Variants in RSRC1 observed in about 807,000 individuals in gnomAD.
The protein encoded by RSRC1 is arginine and serine rich coiled-coil 1, also known as serine/Arginine-related protein 53.
RSRC1 carries 39 observed loss-of-function variants against 49.1 expected under a neutral mutation model. The ratio of observed to expected loss-of-function variants is 0.79; its 90% CI spans 0.61 to 1.04. The LOEUF is 1.04. Among genes scored for constraint, RSRC1 ranks in the 50% least tolerant of loss-of-function variants. The probability of loss-of-function intolerance (pLI) is 0.00; values close to 1 mark genes in which losing one functional copy is unlikely to be tolerated. For synonymous variants in RSRC1, 143 were observed against 130.8 expected, an observed-to-expected ratio of 1.09 and a Z score of -0.63; for missense variants, 388 against 402.4, an observed-to-expected ratio of 0.96 and a Z score of 0.31.
chr3:158,441,090 T>C (rs979787743), intron 6 of RSRC1, among the ~76,000 whole-genome samples: 2 of 152,148 alleles, frequency 1.3e-5, no homozygotes, highest in East Asian at 3.9e-4. Context: ...AATAATGTTA[T>C]TAAATGGCCC....
intron 4 of RSRC1, among the ~76,000 whole-genome samples, chr3:158,207,238 T>C (rs537202981): frequency 6.6e-6 from 1 of 152,262 alleles, no homozygotes; most frequent in East Asian, 1.9e-4. Context: ...TCCTAGAAAA[T>C]AGAACTGAAA....
At chr3:158,222,505 C>T (rs1722279391) in intron 4 of RSRC1, among the ~76,000 whole-genome samples, 1 of 151,396 alleles carries the variant, frequency 6.6e-6, no homozygotes, top group East Asian at 1.9e-4. Context: ...TGTTTGTACA[C>T]TATAAATATA....
At chr3:158,505,291 G>A (rs777873651) in intron 7 of RSRC1, among the ~76,000 whole-genome samples, 1 of 152,104 alleles carries the variant, frequency 6.6e-6, no homozygotes, top group Non-Finnish European at 1.5e-5. Context: ...CACCTAGTTG[G>A]AAGCACCTGT....
At chr3:158,145,868 C>T (rs1000314811) in intron 3 of RSRC1, among the ~76,000 whole-genome samples, 3 of 152,068 alleles carry the variant, frequency 2.0e-5, no homozygotes, top group Non-Finnish European at 4.4e-5. Context: ...AGTTGGATTC[C>T]TAGGTATTTT....
In RSRC1 at chr3:158,288,272, A is replaced by G. The variant is rs189782031; in HGVS notation, c.495-9767A>G. Among the ~76,000 whole-genome samples the G allele has an allele frequency of 2.0e-4, 31 of 152,204 alleles. 1 individual carries two copies. In the East Asian group the frequency reaches 6.0e-3, roughly 29 times the overall value. On this transcript the variant is annotated intron_variant, in intron 4 of 9. Coordinates refer to ENST00000611884, the MANE Select transcript of RSRC1 (RefSeq NM_001271838.2). ...ACAATGAATCCTTCAGGATCTAGCT[A>G]TACCCTTCTCTTTGAAATCTTTTCC...
intron 6 of RSRC1, among the ~76,000 whole-genome samples, chr3:158,378,607 C>T (rs1732513194): frequency 6.6e-6 from 1 of 152,208 alleles, no homozygotes; most frequent in African/African-American, 2.4e-5. Flanking sequence ...CATCTTCAAA[C>T]TGCAAGTATG....
chr3:158,441,969 T>G (rs559727750), intron 6 of RSRC1, among the ~76,000 whole-genome samples: 4 of 152,258 alleles, frequency 2.6e-5, no homozygotes, highest in African/African-American at 9.6e-5. Flanking sequence ...ACAAATTTTT[T>G]GATTTCCCTA....
At chr3:158,339,621 T>C (rs575661102) in intron 5 of RSRC1, among the ~76,000 whole-genome samples, 24 of 152,334 alleles carry the variant, frequency 1.6e-4, no homozygotes, top group Non-Finnish European at 1.2e-4. Flanking sequence ...GTGAAATTGA[T>C]AATTCAAAAG....
At chr3:158,272,713 T>G (rs1040082392) in intron 4 of RSRC1, among the ~76,000 whole-genome samples, 1 of 152,076 alleles carries the variant, frequency 6.6e-6, no homozygotes, top group Non-Finnish European at 1.5e-5. Context: ...TAGTAAAAAC[T>G]GAAACTTTTG....
At chr3:158,283,181 G>A (rs1403745451) in intron 4 of RSRC1, among the ~76,000 whole-genome samples, 1 of 152,090 alleles carries the variant, frequency 6.6e-6, no homozygotes, top group Non-Finnish European at 1.5e-5. Flanking sequence ...GTGAACACTA[G>A]AGGTAAAATC....
At chr3:158,143,419 T>C (rs897494424) in intron 3 of RSRC1, among the ~76,000 whole-genome samples, 12 of 152,296 alleles carry the variant, frequency 7.9e-5, no homozygotes, top group African/African-American at 2.9e-4. Context: ...GATAGCATGA[T>C]GTGGTTCTTT....
At chr3:158,504,624 C>G (rs1739767950) in intron 7 of RSRC1, among the ~76,000 whole-genome samples, 1 of 152,130 alleles carries the variant, frequency 6.6e-6, no homozygotes, top group African/African-American at 2.4e-5. Flanking sequence ...ATCATTTAAC[C>G]TCACTGAACT....
intron 5 of RSRC1, among the ~76,000 whole-genome samples, chr3:158,315,329 A>C (rs1728368876): frequency 6.6e-6 from 1 of 152,206 alleles, no homozygotes; most frequent in Admixed American, 6.5e-5. Flanking sequence ...AGGGAAATTC[A>C]GGTAAAAAAT....
chr3:158,489,453 T>G (rs902551822), intron 7 of RSRC1, among the ~76,000 whole-genome samples: 5 of 152,226 alleles, frequency 3.3e-5, no homozygotes, highest in Admixed American at 2.6e-4. Flanking sequence ...ATGATCTTTG[T>G]GCATGTATGC....
chr3:158,229,240 A>G (rs1291663670), intron 4 of RSRC1, among the ~76,000 whole-genome samples: 1 of 151,196 alleles, frequency 6.6e-6, no homozygotes, highest in South Asian at 2.1e-4. Flanking sequence ...ATGTGTATGT[A>G]TGTATATAAA....
chr3:158,166,724 A>G (rs1189592213), intron 3 of RSRC1, among the ~76,000 whole-genome samples: 1 of 152,178 alleles, frequency 6.6e-6, no homozygotes, highest in African/African-American at 2.4e-5. Flanking sequence ...CTATTGTTTC[A>G]GTATTTAGAA....
At chr3:158,118,318 A>C in intron 1 of RSRC1, among the ~76,000 whole-genome samples, 1 of 151,720 alleles carries the variant, frequency 6.6e-6, no homozygotes, top group Non-Finnish European at 1.5e-5. Context: ...CGGTGCAGTC[A>C]TATCTTTTGG....
intron 5 of RSRC1, among the ~76,000 whole-genome samples, chr3:158,339,623 A>T (rs1730119901): frequency 6.6e-6 from 1 of 152,192 alleles, no homozygotes; most frequent in Non-Finnish European, 1.5e-5. Flanking sequence ...GAAATTGATA[A>T]TTCAAAAGTA....
chr3:158,507,675 G>A (rs1739925134), intron 7 of RSRC1, among the ~76,000 whole-genome samples: 1 of 152,130 alleles, frequency 6.6e-6, no homozygotes, highest in Admixed American at 6.6e-5. Context: ...TATATAACAG[G>A]ATTAGGATTA....
Sources: gnomAD v4.1 joint callset for allele counts (sites outside exome capture counted in the v4.1 genomes callset) on GRCh38, gnomAD v4.1.1 for gene constraint, MANE v1.5 for transcripts, NCBI Gene and HGNC (gene_info 2026-07-23, HGNC 2026-07-21) for gene names.